PLXNA3: variants seen among roughly 807,000 people sequenced by gnomAD.
The protein encoded by PLXNA3 is plexin-A3.
Under a neutral mutation model 118.8 loss-of-function variants are expected in PLXNA3, and 52 were observed. That is an observed-to-expected ratio of 0.44 (90% confidence interval 0.35 to 0.55). The LOEUF is 0.55. Among genes scored for constraint, PLXNA3 ranks in the 20% least tolerant of loss-of-function variants. PLXNA3 has a pLI of 0.01. For missense variants in PLXNA3, 1,660 were observed against 1,730.8 expected (o/e 0.96, Z 0.73); for synonymous variants, 925 against 762.4 (o/e 1.21, Z -3.51).
At position 154,460,303 on chromosome X, in the gene PLXNA3, G is replaced by C. The variant is rs781882951; in HGVS notation, c.120G>C (p.Arg40=). The change falls in exon 2 of 33, where the codon CGG becomes CGC. Residue 40 remains arginine, a synonymous_variant. Coordinates refer to ENST00000369682, the MANE Select transcript of PLXNA3 (RefSeq NM_017514.5). The part of the protein sequence containing the change: ...DTTLTHLAVH[R]VTGEVFVGAV... Reference sequence around the variant, plus strand: ...CGCTTACCCACCTGGCTGTGCACCGGGTGACTGGGGAGGTGTTCGTGGGCG... The same window carrying C: ...CGCTTACCCACCTGGCTGTGCACCGCGTGACTGGGGAGGTGTTCGTGGGCG... The C allele has an allele frequency of 5.0e-6, 6 of 1,208,809 alleles. No homozygotes were observed. The highest frequency in any genetic ancestry group is 4.4e-5 in the Admixed American group (2 of 45,921).
At position 154,460,760 on chromosome X, in the gene PLXNA3, G is replaced by T; in HGVS notation, c.577G>T (p.Ala193Ser). ...SRKLISDEDS[A>S]DMFSLVYQDE... ...CAAGCTCATCAGTGATGAAGACAGC[G>T]CGGACATGTTCAGTCTCGTGCGTGA... is the stretch of plus-strand genomic sequence containing the variant. Residue 193 changes from alanine to serine, a missense_variant, in exon 2 of 33, where the codon GCG (alanine) becomes TCG (serine). By Grantham distance (99) the Ala-to-Ser change is moderately conservative. Coordinates refer to ENST00000369682, the MANE Select transcript of PLXNA3 (RefSeq NM_017514.5). The T allele has an allele frequency of 8.9e-7, 1 of 1,121,590 alleles. No individual in the cohort carries two copies. Among genetic ancestry groups the T allele is most frequent in the Non-Finnish European group, 1.2e-6 (1 of 854,451 alleles). 92.4% of individuals were successfully genotyped at this position (1,121,590 alleles called of 1,213,427 possible).
intron 19 of PLXNA3, 37 bp downstream of exon 19, chrX:154,467,508 T>C: frequency 4.3e-6 from 5 of 1,157,007 alleles, no homozygotes; most frequent in Non-Finnish European, 5.8e-6. Flanking sequence ...GGCGGGAAAG[T>C]GGAGAGTCCT....
In PLXNA3 at chrX:154,462,230, G is replaced by T. The variant is rs36115591; in HGVS notation, c.1237G>T (p.Gly413Cys). 16 of 1,202,265 alleles carry T rather than the reference G, an allele frequency of 1.3e-5. No individual in the cohort carries two copies. Among genetic ancestry groups the T allele is most frequent in the Non-Finnish European group, 1.8e-5 (16 of 890,253 alleles). ...GLPLLADSTDGMASVAAYTYR... is the reference protein window; with the variant it reads ...GLPLLADSTDCMASVAAYTYR... ...GCCCCTGCTGGCCGACAGCACCGAC[G>T]GCATGGCCAGCGTGGCCGCCTACAC... The change falls in exon 4 of 33, where the codon GGC (glycine) becomes TGC (cysteine). Residue 413 changes from glycine to cysteine, a missense_variant. Physicochemically the swap from Gly to Cys is radical, Grantham distance 159. Coordinates refer to ENST00000369682, the MANE Select transcript of PLXNA3 (RefSeq NM_017514.5).
At chrX:154,463,099 G>A (rs2148247503) in intron 4 of PLXNA3, among the ~76,000 whole-genome samples, 1 of 111,321 alleles carries the variant, frequency 9.0e-6, no homozygotes, top group South Asian at 3.8e-4. Context: ...CTGCAGAGTG[G>A]CACAACCATC....
Position 154,464,520 on chromosome X carries a change from C to G in PLXNA3, c.1928+19C>G, listed in dbSNP as rs1557206258. On this transcript the variant is annotated intron_variant, in intron 9 of 32. Coordinates refer to ENST00000369682, the MANE Select transcript of PLXNA3 (RefSeq NM_017514.5). ...TCCAGTCGTGAGTACCTGGCCAGCA[C>G]CCGTCCCTACCCCTGGGGATAGAGG... 2.6e-6 allele frequency: 3 copies of G among 1,149,134 alleles called. No individual in the cohort carries two copies. The Admixed American group carries it at 6.6e-5, about 25-fold the overall frequency. The allele number at this position is 1,149,134 out of a possible 1,213,427, so 94.7% of individuals were successfully genotyped here. A position where few individuals can be genotyped will look rare whatever the true frequency, so the allele number is the denominator to read the frequency against.
Position 154,468,378 on chromosome X carries a change from A to G in PLXNA3, c.4039A>G (p.Ile1347Val). The G allele has an allele frequency of 1.7e-6, 2 of 1,210,125 alleles. No homozygotes were observed. The highest frequency in any genetic ancestry group is 3.5e-5 in the African/African-American group (2 of 57,767). ...LHSRAFVLTFIHTLEAQSSFS... is the reference protein window; with the variant it reads ...LHSRAFVLTFVHTLEAQSSFS... ...CAGCCGCGCGTTCGTGCTTACCTTCATCCACACGCTGGAGGCCCAGAGCAG... is the reference window on the plus strand; with the variant it reads ...CAGCCGCGCGTTCGTGCTTACCTTCGTCCACACGCTGGAGGCCCAGAGCAG... The change falls in exon 23 of 33, where the codon ATC (isoleucine) becomes GTC (valine). Residue 1347 changes from isoleucine to valine, a missense_variant. Physicochemically the swap from Ile to Val is conservative, Grantham distance 29. Coordinates refer to ENST00000369682, the MANE Select transcript of PLXNA3 (RefSeq NM_017514.5).
chrX:154,467,698 G>A lies in PLXNA3; in HGVS notation c.3585+10G>A. 1 of 1,207,927 alleles carries A rather than the reference G, an allele frequency of 8.3e-7. No homozygotes were observed. The highest frequency in any genetic ancestry group is 1.1e-6 in the Non-Finnish European group (1 of 894,537). ...CCGGCAGCCTGTCATGGTAGGTGGG[G>A]ATGGGGAGACCCCCTGGGCAGCCCA... is the stretch of plus-strand genomic sequence containing the variant. On this transcript the variant is annotated intron_variant, in intron 20 of 32. Coordinates refer to ENST00000369682, the MANE Select transcript of PLXNA3 (RefSeq NM_017514.5).
rs367789508 is a variant in PLXNA3, at chrX:154,460,762, G to A, written c.579G>A (p.Ala193=). The change falls in exon 2 of 33, where the codon GCG becomes GCA. Residue 193 remains alanine, a synonymous_variant. Coordinates refer to ENST00000369682, the MANE Select transcript of PLXNA3 (RefSeq NM_017514.5). ...AGCTCATCAGTGATGAAGACAGCGC[G>A]GACATGTTCAGTCTCGTGCGTGAGC... ...SRKLISDEDS[A]DMFSLVYQDE... The A allele has an allele frequency of 4.3e-5, 48 of 1,118,445 alleles. No individual in the cohort carries two copies. Among genetic ancestry groups the A allele is most frequent in the Middle Eastern group, 2.5e-4 (1 of 3,991 alleles). The allele number at this position is 1,118,445 out of a possible 1,213,427, so 92.2% of individuals were successfully genotyped here. A position where few individuals can be genotyped will look rare whatever the true frequency, so the allele number is the denominator to read the frequency against.
At chrX:154,458,675 G>T (rs2068882041) in intron 1 of PLXNA3, among the ~76,000 whole-genome samples, 1 of 112,218 alleles carries the variant, frequency 8.9e-6, no homozygotes, top group Admixed American at 9.3e-5. Flanking sequence ...CTTCCCTCCC[G>T]CTAAGGGCTC....
chrX:154,466,928 C>A, intron 17 of PLXNA3, 129 bp from the exon 18 acceptor site: 1 of 839,324 alleles, frequency 1.2e-6, no homozygotes, highest in Non-Finnish European at 1.7e-6. Context: ...CCTGGCTGCA[C>A]AGTACCCGGC....
chrX:154,472,473 GGAGGACGGAGGGAT>G (rs2069196355), intron 32 of PLXNA3, 103 bp from the exon 33 acceptor site: 6 of 519,178 alleles, frequency 1.2e-5, no homozygotes, highest in Middle Eastern at 8.1e-4. Context: ...GGGCTGCGGG[GGAGGACGGAGGGAT>G]GAGGCGTGTG....
Position 154,465,214 on chromosome X carries a change from C to T in PLXNA3, c.2240C>T (p.Ala747Val). The change falls in exon 11 of 33, where the codon GCC becomes GTC. Residue 747 changes from alanine to valine, a missense_variant. Transcript: ENST00000369682. The stretch of plus-strand genomic sequence containing the variant: ...AGCAGCAGTGTGCAGTGCCAGAACG[C>T]CTCGGTGAGGTCCCACCCGCTGCCT... ...FNSSSVQCQNASYSYEGDEHG... is the reference protein window; with the variant it reads ...FNSSSVQCQNVSYSYEGDEHG... 3 of 1,205,306 alleles carry T rather than the reference C, an allele frequency of 2.5e-6. No homozygotes were observed. The highest frequency in any genetic ancestry group is 3.4e-6 in the Non-Finnish European group (3 of 892,255).
At chrX:154,462,948 G>A (rs181816222) in intron 4 of PLXNA3, among the ~76,000 whole-genome samples, 67 of 111,353 alleles carry the variant, frequency 6.0e-4, no homozygotes, top group African/African-American at 1.9e-3. Context: ...GCAGGGAAGG[G>A]TTTGTGGAGA....
In PLXNA3 at chrX:154,460,774, T is replaced by C; in HGVS notation, c.591T>C (p.Ser197=). The C allele has an allele frequency of 9.1e-7, 1 of 1,097,829 alleles. No individual in the cohort carries two copies. Among genetic ancestry groups the C allele is most frequent in the Non-Finnish European group, 1.2e-6 (1 of 835,240 alleles). 90.5% of individuals were successfully genotyped at this position (1,097,829 alleles called of 1,213,427 possible). A position where few individuals can be genotyped will look rare whatever the true frequency, so the allele number is the denominator to read the frequency against. The part of the protein sequence containing the change: ...ISDEDSADMF[S]LVYQDEFVSS... ...ATGAAGACAGCGCGGACATGTTCAGTCTCGTGCGTGAGCCTTCCTTCTCTT... is the reference window on the plus strand; with the variant it reads ...ATGAAGACAGCGCGGACATGTTCAGCCTCGTGCGTGAGCCTTCCTTCTCTT... The change falls in exon 2 of 33, where the codon AGT becomes AGC. Residue 197 remains serine, a synonymous_variant. Coordinates refer to ENST00000369682, the MANE Select transcript of PLXNA3 (RefSeq NM_017514.5).
At position 154,461,366 on chromosome X, in the gene PLXNA3, G is replaced by C. The variant is rs1557204335; in HGVS notation, c.862G>C (p.Glu288Gln). Residue 288 changes from glutamate (E) to glutamine (Q), a missense_variant, in exon 3 of 33, where the codon GAG becomes CAG. Glu to Gln is a conservative substitution (Grantham distance 29). This residue lies in a region of PLXNA3 where 791 missense variants were observed against 652.1 expected (regional missense o/e 1.21). Coordinates refer to ENST00000369682, the MANE Select transcript of PLXNA3 (RefSeq NM_017514.5). ...FPIGCSWRGVEYRLVQSAHLA... is the reference protein window; with the variant it reads ...FPIGCSWRGVQYRLVQSAHLA... Reference sequence around the variant, plus strand: ...CATCGGCTGCTCCTGGCGCGGCGTGGAGTACCGCTTGGTGCAGAGCGCCCA... The same window carrying C: ...CATCGGCTGCTCCTGGCGCGGCGTGCAGTACCGCTTGGTGCAGAGCGCCCA... 1 of 1,212,039 alleles carries C rather than the reference G, an allele frequency of 8.3e-7. No homozygotes were observed. Among genetic ancestry groups the C allele is most frequent in the Non-Finnish European group, 1.1e-6 (1 of 895,578 alleles).
Position 154,476,522 on chromosome X carries a change from A to C in PLXNA3, c.*3837A>C, listed in dbSNP as rs1557210908. 9.0e-6 allele frequency: 1 copy of C among 111,423 alleles called. No homozygotes were observed. Among genetic ancestry groups the C allele is most frequent in the Non-Finnish European group, 1.9e-5 (1 of 53,036 alleles). The allele number at this position is 111,423 out of a possible 1,213,427, so 9.2% of individuals were successfully genotyped here. A position where few individuals can be genotyped will look rare whatever the true frequency, so the allele number is the denominator to read the frequency against. ...TATTCGTCAATAATTAATGTCTAAA[A>C]AATATTAAGAAAGGAAGAAAGGAAT... On this transcript the variant is annotated 3_prime_UTR_variant, in exon 33 of 33. Transcript: ENST00000369682.
Position 154,460,531 on chromosome X carries a change from G to A in PLXNA3, c.348G>A (p.Trp116Ter). The A allele has an allele frequency of 8.3e-7, 1 of 1,210,198 alleles. No individual in the cohort carries two copies. The highest frequency in any genetic ancestry group is 1.1e-6 in the Non-Finnish European group (1 of 894,788). Residue 116 changes from tryptophan to a stop codon, truncating the protein, a stop_gained, in exon 2 of 33, where the codon TGG becomes TGA. Transcript: ENST00000369682. LOFTEE classifies it high-confidence loss of function. Reference protein sequence around the residue: ...ARRLVACGSIWQGICQFLRLD... With the variant: ...ARRLVACGSI ...GCCTGGTGGCCTGCGGCAGCATCTG[G>A]CAGGGCATCTGCCAGTTCCTGCGTC...
chrX:154,469,874 C>T (rs782683636), intron 28 of PLXNA3, 90 bp downstream of exon 28: 59 of 1,108,376 alleles, frequency 5.3e-5, no homozygotes, highest in Admixed American at 4.9e-4. Context: ...GACGGAGGGT[C>T]GGCCAGCGAG....
chrX:154,461,558 C>T lies in PLXNA3; in HGVS notation c.1054C>T (p.Arg352Cys), dbSNP rs374629685. The T allele has an allele frequency of 3.3e-6, 4 of 1,209,363 alleles. No homozygotes were observed. Among genetic ancestry groups the T allele is most frequent in the African/African-American group, 3.4e-5 (2 of 58,072 alleles). ...CAACATCAATGCCCACATCCGGCGCCGCATCCAGTCCTGCTATCGTGGGGA... is the reference window on the plus strand; with the variant it reads ...CAACATCAATGCCCACATCCGGCGCTGCATCCAGTCCTGCTATCGTGGGGA... Reference protein sequence around the residue: ...LSNINAHIRRRIQSCYRGEGT... With the variant: ...LSNINAHIRRCIQSCYRGEGT... The change falls in exon 3 of 33, where the codon CGC becomes TGC. Residue 352 changes from arginine (R) to cysteine (C), a missense_variant. Coordinates refer to ENST00000369682, the MANE Select transcript of PLXNA3 (RefSeq NM_017514.5).
Sources: allele counts gnomAD v4.1 joint callset (sites outside exome capture counted in the v4.1 genomes callset), GRCh38; gene constraint gnomAD v4.1.1; regional missense constraint gnomAD v4.1.1; transcripts MANE v1.5; gene names NCBI Gene and HGNC (gene_info 2026-07-23, HGNC 2026-07-21).